The following ADGRL2 variants were observed in gnomAD, a reference collection of about 807,000 sequenced individuals.
ADGRL2 encodes adhesion G protein-coupled receptor L2, also known as calcium-independent alpha-latrotoxin receptor 2.
ADGRL2 carries 44 observed loss-of-function variants against 157.4 expected under a neutral mutation model. The observed-to-expected ratio is 0.28, with a 90% CI of 0.22 to 0.36. ADGRL2 has a LOEUF of 0.36. Ranked by LOEUF, ADGRL2 falls within the 10% of genes least tolerant of loss-of-function variation. The probability of loss-of-function intolerance (pLI) is 1.00; values close to 1 mark genes in which losing one functional copy is unlikely to be tolerated. For missense variants in ADGRL2, 1,510 were observed against 1,768.9 expected (o/e 0.85, Z 2.63); for synonymous variants, 585 against 624.7 (o/e 0.94, Z 0.95).
intron 1 of ADGRL2, among the ~76,000 whole-genome samples, chr1:81,394,125 C>G (rs1239277953): frequency 1.3e-5 from 2 of 151,974 alleles, no homozygotes; most frequent in African/African-American, 4.8e-5. Flanking sequence ...TACACTTTCT[C>G]CTATCAAAAA....
At chr1:81,871,046 AT>A (rs2093679413) in intron 2 of ADGRL2, among the ~76,000 whole-genome samples, 1 of 148,658 alleles carries the variant, frequency 6.7e-6, no homozygotes, top group African/African-American at 2.5e-5. Flanking sequence ...TTACCTCGTC[AT>A]TTACATTAGG....
chr1:81,875,855 C>A (rs1370596132), intron 2 of ADGRL2, among the ~76,000 whole-genome samples: 1 of 152,130 alleles, frequency 6.6e-6, no homozygotes, highest in East Asian at 1.9e-4. Context: ...TTTTCTTCCA[C>A]CCCGTCTCTC....
At chr1:81,968,975 T>A (rs1368974212) in intron 14 of ADGRL2, among the ~76,000 whole-genome samples, 1 of 152,210 alleles carries the variant, frequency 6.6e-6, no homozygotes, top group Non-Finnish European at 1.5e-5. Flanking sequence ...CATAGATCAT[T>A]TTTTAAGTAT....
chr1:81,431,775 A>G (rs1041211574), intron 1 of ADGRL2, among the ~76,000 whole-genome samples: 2 of 152,216 alleles, frequency 1.3e-5, no homozygotes, highest in East Asian at 1.9e-4. Context: ...TTGGGCTTCA[A>G]TGCTAATAAG....
rs997365049 is a variant in ADGRL2 at position 81,426,844 on chromosome 1, G to A, written c.-301-18192G>A. 6.2e-5 allele frequency: 35 copies of A among 560,726 alleles called. No individual in the cohort carries two copies. The African/African-American group carries it at 6.6e-4, about 11-fold the overall frequency. 34.7% of individuals were successfully genotyped at this position (560,726 alleles called of 1,614,324 possible). On this transcript the variant is annotated intron_variant, in intron 1 of 24. Transcript: ENST00000370721. ...TCTACCAGTGAAGAAAAATTTCCTT[G>A]GTGGTATTAAAGAAGATACAGAAGA... is the stretch of plus-strand genomic sequence containing the variant.
chr1:81,507,055 TATATA>T (rs775945566), intron 2 of ADGRL2, among the ~76,000 whole-genome samples: 6 of 152,260 alleles, frequency 3.9e-5, no homozygotes, highest in South Asian at 4.1e-4. Context: ...ATAAATCATT[TATATA>T]ATATATCAGA....
At chr1:81,756,610 A>T (rs1229148509) in intron 1 of ADGRL2, among the ~76,000 whole-genome samples, 1 of 152,132 alleles carries the variant, frequency 6.6e-6, no homozygotes, top group African/African-American at 2.4e-5. Flanking sequence ...AATATATTAA[A>T]ACCTTTTGTA....
At chr1:81,856,786 A>G (rs1165772663) in intron 2 of ADGRL2, among the ~76,000 whole-genome samples, 2 of 152,086 alleles carry the variant, frequency 1.3e-5, no homozygotes, top group East Asian at 3.9e-4. Flanking sequence ...GCTTATTTGT[A>G]GGGCATACTT....
At chr1:81,909,643 C>T (rs531907952) in intron 3 of ADGRL2, among the ~76,000 whole-genome samples, 24 of 151,952 alleles carry the variant, frequency 1.6e-4, no homozygotes, top group Admixed American at 1.4e-3. Context: ...GAATTTCTGC[C>T]ATCTTCAAAT....
chr1:81,908,168 T>A (rs1191927517), intron 3 of ADGRL2, among the ~76,000 whole-genome samples: 2 of 152,228 alleles, frequency 1.3e-5, no homozygotes, highest in African/African-American at 4.8e-5. Flanking sequence ...AAGTGTGTAG[T>A]AGGCTATACT....
Position 81,981,985 on chromosome 1 carries a change from T to C in ADGRL2, c.3282+9T>C, listed in dbSNP as rs1417319325. 3 of 1,608,466 alleles carry C rather than the reference T, an allele frequency of 1.9e-6. No individual in the cohort carries two copies. The highest frequency in any genetic ancestry group is 2.5e-6 in the Non-Finnish European group (3 of 1,176,754). ...GTGCTCTCCAAAAGAAAGTAAGTAA[T>C]TGAAAACACCTAGGGGCTCAGGTTA... On this transcript the variant is annotated intron_variant, in intron 19 of 23. Coordinates refer to ENST00000686636, the MANE Select transcript of ADGRL2 (RefSeq NM_001366006.2).
intron 1 of ADGRL2, among the ~76,000 whole-genome samples, chr1:81,411,118 A>G (rs949390214): frequency 1.3e-5 from 2 of 152,178 alleles, no homozygotes; most frequent in Admixed American, 6.5e-5. Flanking sequence ...AACCTATCAC[A>G]TTATCCAAGG....
At chr1:81,440,204 T>C (rs1056402574) in intron 1 of ADGRL2, among the ~76,000 whole-genome samples, 1 of 152,252 alleles carries the variant, frequency 6.6e-6, no homozygotes, top group African/African-American at 2.4e-5. Flanking sequence ...TAACACAGTC[T>C]GATGATTTAA....
intron 2 of ADGRL2, among the ~76,000 whole-genome samples, chr1:81,481,618 T>C (rs1221698070): frequency 6.6e-6 from 1 of 152,140 alleles, no homozygotes; most frequent in Non-Finnish European, 1.5e-5. Context: ...ATTTAACTAG[T>C]CTAAGTTAAT....
chr1:81,923,691 C>T (rs907521427), intron 3 of ADGRL2, among the ~76,000 whole-genome samples: 6 of 152,004 alleles, frequency 3.9e-5, no homozygotes, highest in Non-Finnish European at 5.9e-5. Context: ...CAGTAAAATA[C>T]GGAAGATTGA....
chr1:81,356,186 T>A (rs1313752859), intron 1 of ADGRL2, among the ~76,000 whole-genome samples: 9 of 152,212 alleles, frequency 5.9e-5, no homozygotes, highest in Non-Finnish European at 1.3e-4. Flanking sequence ...CTCAATTAGA[T>A]TTAAAATGAG....
At chr1:81,680,451 G>A (rs1431500104) in intron 3 of ADGRL2, among the ~76,000 whole-genome samples, 2 of 152,138 alleles carry the variant, frequency 1.3e-5, no homozygotes, top group Admixed American at 6.5e-5. Flanking sequence ...CCGGAATGTC[G>A]GCTTAGGGCT....
At chr1:81,379,623 G>A (rs2101039790) in intron 1 of ADGRL2, among the ~76,000 whole-genome samples, 1 of 152,238 alleles carries the variant, frequency 6.6e-6, no homozygotes, top group South Asian at 2.1e-4. Flanking sequence ...AACTGCCCCA[G>A]CCAAACTCCA....
chr1:81,815,071 T>C (rs1224582987), intron 1 of ADGRL2, among the ~76,000 whole-genome samples: 1 of 151,796 alleles, frequency 6.6e-6, no homozygotes, highest in Non-Finnish European at 1.5e-5. Flanking sequence ...GGAATATGAT[T>C]GCTAAAACTA....
Sources: gnomAD v4.1 joint callset for allele counts (sites outside exome capture counted in the v4.1 genomes callset) on GRCh38, gnomAD v4.1.1 for gene constraint, MANE v1.5 for transcripts, NCBI Gene and HGNC (gene_info 2026-07-23, HGNC 2026-07-21) for gene names.